CLTCL1: variants seen among roughly 807,000 people sequenced by gnomAD.
CLTCL1 encodes the protein clathrin heavy chain like 1, also known as clathrin heavy chain 2.
In CLTCL1, 159 loss-of-function variants were observed where a neutral mutation model predicts 190.0. The observed-to-expected ratio is 0.84, with a 90% CI of 0.74 to 0.95. The LOEUF is 0.95. Ranked by LOEUF, CLTCL1 falls within the 40% of genes least tolerant of loss-of-function variation. CLTCL1 has a pLI of 0.00. For missense variants in CLTCL1, 1,878 were observed against 2,033.4 expected (o/e 0.92, Z 1.47); for synonymous variants, 752 against 769.6 (o/e 0.98, Z 0.38).
At chr22:19,244,701 G>A (rs781948243) in intron 3 of CLTCL1, among the ~76,000 whole-genome samples, 3 of 152,214 alleles carry the variant, frequency 2.0e-5, no homozygotes, top group Non-Finnish European at 2.9e-5. Flanking sequence ...CTTAGGCTAC[G>A]TGTGTGGCCT....
At chr22:19,235,650 C>G in intron 6 of CLTCL1, 46 bp downstream of exon 6, 1 of 1,569,322 alleles carries the variant, frequency 6.4e-7, no homozygotes, top group Non-Finnish European at 8.7e-7. Context: ...AACGCCAGTC[C>G]CTAATGAATG....
chr22:19,197,799 G>A (rs1299639544), intron 24 of CLTCL1, among the ~76,000 whole-genome samples: 1 of 152,072 alleles, frequency 6.6e-6, no homozygotes, highest in African/African-American at 2.4e-5. Context: ...CACACTCTCT[G>A]GGTTTTCTTC....
intron 2 of CLTCL1, among the ~76,000 whole-genome samples, chr22:19,263,507 C>T (rs1169937838): frequency 2.6e-5 from 4 of 152,096 alleles, no homozygotes; most frequent in African/African-American, 4.8e-5. Context: ...CTCTGCCTCC[C>T]GGGTTCACAC....
intron 20 of CLTCL1, among the ~76,000 whole-genome samples, chr22:19,209,744 G>T (rs147820032): frequency 6.6e-6 from 1 of 152,326 alleles, no homozygotes; most frequent in East Asian, 1.9e-4. Flanking sequence ...CAGCAGTTCA[G>T]GTGAGATGTC....
At chr22:19,270,632 C>T in intron 2 of CLTCL1, among the ~76,000 whole-genome samples, 1 of 146,830 alleles carries the variant, frequency 6.8e-6, no homozygotes. Flanking sequence ...GAGGCTGAGG[C>T]AGGAGAATGG....
intron 2 of CLTCL1, among the ~76,000 whole-genome samples, chr22:19,255,958 T>C (rs543389637): frequency 1.3e-5 from 2 of 151,786 alleles, no homozygotes; most frequent in African/African-American, 2.4e-5. Flanking sequence ...CATAGCATTT[T>C]GGAGTAAATT....
At chr22:19,281,425 A>G (rs1488847436) in intron 1 of CLTCL1, among the ~76,000 whole-genome samples, 3 of 152,312 alleles carry the variant, frequency 2.0e-5, no homozygotes, top group Middle Eastern at 6.8e-3. Context: ...TATGTTATGT[A>G]TATTTTACCA....
chr22:19,230,205 G>C (rs1221009844), intron 10 of CLTCL1, among the ~76,000 whole-genome samples: 1 of 150,430 alleles, frequency 6.6e-6, no homozygotes, highest in African/African-American at 2.5e-5. Flanking sequence ...CTGGGTTCAA[G>C]CGATTCTCCT....
chr22:19,260,871 A>C (rs1276120153), intron 2 of CLTCL1, among the ~76,000 whole-genome samples: 5 of 151,338 alleles, frequency 3.3e-5, no homozygotes, highest in African/African-American at 4.9e-5. Flanking sequence ...ATGATAGTAC[A>C]TCTGTTTACA....
intron 3 of CLTCL1, among the ~76,000 whole-genome samples, chr22:19,246,871 G>T (rs1238429430): frequency 6.6e-6 from 1 of 152,110 alleles, no homozygotes; most frequent in Admixed American, 6.5e-5. Flanking sequence ...TTGTTGAGTT[G>T]TAAGTGTTCT....
chr22:19,249,909 T>C (rs539467029), intron 3 of CLTCL1: 74 of 434,714 alleles, frequency 1.7e-4, no homozygotes, highest in Non-Finnish European at 2.6e-4. Flanking sequence ...CCCTTTAGAA[T>C]GACTGATGGT....
At chr22:19,249,307 C>T (rs576310169) in intron 3 of CLTCL1, among the ~76,000 whole-genome samples, 17 of 151,822 alleles carry the variant, frequency 1.1e-4, no homozygotes, top group South Asian at 8.3e-4. Context: ...TGCAGTGAGC[C>T]GAGATTGTGC....
At chr22:19,188,116 G>A (rs1213523025) in intron 27 of CLTCL1, 25 bp from the exon 28 acceptor site, 5 of 1,609,538 alleles carry the variant, frequency 3.1e-6, no homozygotes, top group Non-Finnish European at 4.3e-6. Context: ...GAACCGTCAA[G>A]GCACTTGGCC....
chr22:19,272,136 G>A (rs1449015007), intron 2 of CLTCL1, among the ~76,000 whole-genome samples: 1 of 152,102 alleles, frequency 6.6e-6, no homozygotes, highest in African/African-American at 2.4e-5. Context: ...AACATTCCTA[G>A]TTCAGGAGCA....
At chr22:19,258,013 T>A (rs189684519) in intron 2 of CLTCL1, 9 of 533,298 alleles carry the variant, frequency 1.7e-5, no homozygotes, top group Non-Finnish European at 3.2e-5. Context: ...CTGCTGACTT[T>A]AGAGTCAAGT....
In CLTCL1 at chr22:19,227,700, G is replaced by A. The variant is rs554715837; in HGVS notation, c.1783-1317C>T. ...GATCTCTTGACCATGTGATCCACCCGCCTTGGCCTCCCAAAGTGCTGGGAT... is the reference window on the plus strand; with the variant it reads ...GATCTCTTGACCATGTGATCCACCCACCTTGGCCTCCCAAAGTGCTGGGAT... On this transcript the variant is annotated intron_variant, in intron 11 of 32. Transcript: ENST00000427926. Among the ~76,000 whole-genome samples, 17 of 151,984 alleles carry A rather than the reference G, an allele frequency of 1.1e-4. No individual in the cohort carries two copies. In the South Asian group the frequency reaches 2.5e-3, roughly 22 times the overall value.
In CLTCL1 at chr22:19,208,197, A is replaced by G. The variant is rs34211636; in HGVS notation, c.3557T>C (p.Leu1186Pro). ...GTTGGGTCCATTAATAAAATCTTCT[A>G]GCTCAGAAACACGGCTGGTTTTAGC... ...ALAKTSRVSELEDFINGPNNA... is the reference protein window; with the variant it reads ...ALAKTSRVSEPEDFINGPNNA... The change falls in exon 22 of 33, where the codon CTA becomes CCA. Residue 1186 changes from leucine (L) to proline (P), a missense_variant. By Grantham distance (98) the Leu-to-Pro change is moderately conservative. Coordinates refer to ENST00000427926, the MANE Select transcript of CLTCL1 (RefSeq NM_007098.4). The G allele has an allele frequency of 5.6e-6, 9 of 1,613,766 alleles. No individual in the cohort carries two copies. Among genetic ancestry groups the G allele is most frequent in the Non-Finnish European group, 7.6e-6 (9 of 1,179,914 alleles).
intron 23 of CLTCL1, 103 bp from the exon 24 acceptor site, chr22:19,199,944 G>T: frequency 1.5e-6 from 1 of 676,832 alleles, no homozygotes; most frequent in Non-Finnish European, 2.5e-6. Flanking sequence ...TACCAGCAGT[G>T]GGGTATTTTA....
At chr22:19,192,772 A>AC (rs2084556066) in intron 26 of CLTCL1, among the ~76,000 whole-genome samples, 1 of 152,158 alleles carries the variant, frequency 6.6e-6, no homozygotes. Flanking sequence ...GGTCCCTAGT[A>AC]CCCGCCACCA....
Sources: allele counts gnomAD v4.1 joint callset (sites outside exome capture counted in the v4.1 genomes callset), GRCh38; gene constraint gnomAD v4.1.1; transcripts MANE v1.5; gene names NCBI Gene and HGNC (gene_info 2026-07-23, HGNC 2026-07-21).